The following PPFIBP1 variants were observed in gnomAD, a reference collection of about 807,000 sequenced individuals.
PPFIBP1 encodes the protein PPFIB scaffold protein 1.
A neutral mutation model predicts 137.8 loss-of-function variants in PPFIBP1; 112 were observed. The observed-to-expected ratio is 0.81, with a 90% CI of 0.70 to 0.95. The LOEUF is 0.95. Ranked by LOEUF, PPFIBP1 falls within the 40% of genes least tolerant of loss-of-function variation. PPFIBP1 has a pLI of 0.00. For synonymous variants in PPFIBP1, 378 were observed against 417.3 expected (o/e 0.91, Z 1.15); for missense variants, 1,083 against 1,196.6 (o/e 0.91, Z 1.40).
intron 1 of PPFIBP1, among the ~76,000 whole-genome samples, chr12:27,527,680 C>T (rs1592256121): frequency 6.6e-6 from 1 of 152,152 alleles, no homozygotes; most frequent in Non-Finnish European, 1.5e-5. Flanking sequence ...AGAAACGTCG[C>T]TTCAAGGCGA....
chr12:27,579,595 T>C (rs117967244), intron 2 of PPFIBP1, among the ~76,000 whole-genome samples: 1 of 152,368 alleles, frequency 6.6e-6, no homozygotes, highest in Non-Finnish European at 1.5e-5. Context: ...ACAATATTTT[T>C]TGCATTCTCT....
intron 1 of PPFIBP1, among the ~76,000 whole-genome samples, chr12:27,555,118 G>A (rs947688119): frequency 1.3e-5 from 2 of 152,120 alleles, no homozygotes; most frequent in Non-Finnish European, 2.9e-5. Context: ...GACAGGAGGT[G>A]GCAAGATTTA....
At chr12:27,646,196 G>C (rs370766725) in intron 5 of PPFIBP1, 48 bp downstream of exon 5, 2 of 1,473,926 alleles carry the variant, frequency 1.4e-6, no homozygotes, top group African/African-American at 2.8e-5. Context: ...TACTTACAAA[G>C]CCTTTTAAAT....
At chr12:27,591,390 G>A (rs1485101917) in intron 2 of PPFIBP1, among the ~76,000 whole-genome samples, 1 of 152,176 alleles carries the variant, frequency 6.6e-6, no homozygotes, top group Non-Finnish European at 1.5e-5. Flanking sequence ...CTTCCTCAAA[G>A]AAGTTGACAT....
Position 27,681,461 on chromosome 12 carries a change from T to C in PPFIBP1, c.1896-85T>C, listed in dbSNP as rs2140367887. The C allele has an allele frequency of 3.5e-6, 5 of 1,433,458 alleles. No homozygotes were observed. In the South Asian group the frequency reaches 3.8e-5, roughly 11 times the overall value. 88.8% of individuals were successfully genotyped at this position (1,433,458 alleles called of 1,614,324 possible). ...TATCACCAGGGAATTTCCATGTCTA[T>C]TGAATGTATAGTTGTTTAAAACTAA... On this transcript the variant is annotated intron_variant, in intron 21 of 29. Transcript: ENST00000228425.
chr12:27,687,103 G>A (rs1013521411), intron 24 of PPFIBP1, among the ~76,000 whole-genome samples: 4 of 152,216 alleles, frequency 2.6e-5, no homozygotes, highest in Non-Finnish European at 4.4e-5. Context: ...GACCCAGCAA[G>A]TGCTTTTCTA....
chr12:27,675,081 A>G (rs1237030164), intron 17 of PPFIBP1, among the ~76,000 whole-genome samples: 1 of 151,654 alleles, frequency 6.6e-6, no homozygotes, highest in South Asian at 2.1e-4. Context: ...AGCTCAAGTA[A>G]TCCTCCCACC....
At chr12:27,682,107 C>T (rs923300457) in intron 22 of PPFIBP1, among the ~76,000 whole-genome samples, 2 of 150,996 alleles carry the variant, frequency 1.3e-5, no homozygotes, top group East Asian at 1.9e-4. Flanking sequence ...ATATTTTGTA[C>T]AAAATAAGAG....
chr12:27,691,929 G>A lies in PPFIBP1; in HGVS notation c.2865+1G>A, dbSNP rs2061571045. The A allele has an allele frequency of 1.2e-6, 2 of 1,602,850 alleles. No homozygotes were observed. The highest frequency in any genetic ancestry group is 2.3e-5 in the South Asian group (2 of 88,386). On this transcript the variant is annotated splice_donor_variant, in intron 28 of 29. Transcript: ENST00000228425. LOFTEE classifies it high-confidence loss of function. ...AGATGATTTGGACCGGTTAGAGCAG[G>A]TAAATCCAACACTGTATAACTTTTT...
At chr12:27,593,707 C>T in intron 2 of PPFIBP1, 1 of 603,388 alleles carries the variant, frequency 1.7e-6, no homozygotes, top group South Asian at 2.1e-5. Context: ...CACAGGTTGG[C>T]TCCATTTAGA....
chr12:27,665,179 C>T (rs1169474727), intron 12 of PPFIBP1, among the ~76,000 whole-genome samples: 1 of 152,052 alleles, frequency 6.6e-6, no homozygotes, highest in Non-Finnish European at 1.5e-5. Flanking sequence ...CAGAGTGAGA[C>T]TCAGTCTCAA....
intron 1 of PPFIBP1, among the ~76,000 whole-genome samples, chr12:27,550,991 A>AT (rs9300174): frequency 1.0e-4 from 14 of 136,712 alleles, no homozygotes; most frequent in East Asian, 8.1e-4. Flanking sequence ...ATATATATAT[A>AT]TTTTTTTTTT....
At chr12:27,536,564 G>A (rs1305997680) in intron 1 of PPFIBP1, among the ~76,000 whole-genome samples, 1 of 152,050 alleles carries the variant, frequency 6.6e-6, no homozygotes, top group Non-Finnish European at 1.5e-5. Flanking sequence ...GGGGAATGGC[G>A]CTAAACCATT....
chr12:27,676,334 T>C lies in PPFIBP1; in HGVS notation c.1411-94T>C, dbSNP rs79985266. 1.2e-3 allele frequency: 1,141 copies of C among 953,058 alleles called. 11 individuals carry two copies. The African/African-American group carries it at 0.018, about 15-fold the overall frequency. 59.0% of individuals were successfully genotyped at this position (953,058 alleles called of 1,614,324 possible). ...TCAGTTATTCTTTTGAATAAACTCA[T>C]GGATGTGGCGTGAGTGAGTATTTGC... On this transcript the variant is annotated intron_variant, in intron 17 of 29. Transcript: ENST00000228425.
At chr12:27,606,428 CTG>C (rs577678922) in intron 2 of PPFIBP1, among the ~76,000 whole-genome samples, 1 of 152,150 alleles carries the variant, frequency 6.6e-6, no homozygotes, top group South Asian at 2.1e-4. Context: ...AGCTCTACGA[CTG>C]TGTGTTAGTA....
At chr12:27,557,217 AG>A (rs2048768349) in intron 1 of PPFIBP1, among the ~76,000 whole-genome samples, 1 of 148,356 alleles carries the variant, frequency 6.7e-6, no homozygotes, top group Admixed American at 6.9e-5. Flanking sequence ...TAAAGTTTTT[AG>A]GAGTAATACC....
At chr12:27,613,631 A>C (rs1462640778) in intron 2 of PPFIBP1, among the ~76,000 whole-genome samples, 1 of 151,222 alleles carries the variant, frequency 6.6e-6, no homozygotes, top group African/African-American at 2.4e-5. Context: ...CGAACCTGGG[A>C]GGCAGAGGTT....
chr12:27,661,040 C>T (rs7133328), intron 11 of PPFIBP1, 95 bp downstream of exon 11: 1,520,442 of 1,521,780 alleles, frequency 1, 759,565 homozygotes, highest in East Asian at 1. Flanking sequence ...TTTAAAAGAA[C>T]ATGCCCAGAA....
At chr12:27,631,272 A>C (rs1415436367) in intron 2 of PPFIBP1, among the ~76,000 whole-genome samples, 2 of 152,108 alleles carry the variant, frequency 1.3e-5, no homozygotes, top group Admixed American at 6.6e-5. Flanking sequence ...GGAATTCTAC[A>C]CTTGGAATAC....
Sources: allele counts gnomAD v4.1 joint callset (sites outside exome capture counted in the v4.1 genomes callset), GRCh38; gene constraint gnomAD v4.1.1; transcripts MANE v1.5; gene names NCBI Gene and HGNC (gene_info 2026-07-23, HGNC 2026-07-21).